Variants in RYR2 observed in about 807,000 individuals in gnomAD.
RYR2 encodes ryanodine receptor 2.
RYR2 carries 227 observed loss-of-function variants against 601.1 expected under a neutral mutation model. The ratio of observed to expected loss-of-function variants is 0.38; its 90% confidence interval spans 0.34 to 0.42. RYR2 has a LOEUF of 0.42. Ranked by LOEUF, RYR2 falls within the 10% of genes least tolerant of loss-of-function variation. The pLI is 1.00. For missense variants in RYR2, 4,646 were observed against 6,156.5 expected, an observed-to-expected ratio of 0.75 and a Z score of 8.21; for synonymous variants, 2,223 against 2,175.1, an observed-to-expected ratio of 1.02 and a Z score of -0.61.
rs970376898 is a variant in RYR2 at position 237,436,905 on chromosome 1, T to C, written c.1006-4414T>C. 2.6e-5 allele frequency among the ~76,000 whole-genome samples: 4 copies of C among 151,116 alleles called. No individual in the cohort carries two copies. In the Admixed American group the frequency reaches 2.6e-4, roughly 10 times the overall value. On this transcript the variant is annotated intron_variant, in intron 12 of 104. Transcript: ENST00000366574. ...ATGTATATATCACTTAGTATATCTA[T>C]GTGTATAAGGCCACAGTTCTTCAGA... is the stretch of plus-strand genomic sequence containing the variant.
chr1:237,192,175 G>GA (rs568939770), intron 1 of RYR2, among the ~76,000 whole-genome samples: 3,255 of 122,244 alleles, frequency 0.027, 44 homozygotes, highest in African/African-American at 0.063. Flanking sequence ...GCTTTCTCCA[G>GA]AAAAAAAAAA....
chr1:237,158,255 A>T (rs2490366), intron 1 of RYR2, among the ~76,000 whole-genome samples: 96,265 of 151,922 alleles, frequency 0.63, 30,647 homozygotes, highest in Non-Finnish European at 0.66. Context: ...TAGAGTGAGA[A>T]GACTTTCAGC....
chr1:237,669,548 C>G (rs1254164777), intron 58 of RYR2, among the ~76,000 whole-genome samples: 1 of 150,990 alleles, frequency 6.6e-6, no homozygotes, highest in Non-Finnish European at 1.5e-5. Flanking sequence ...GGCTGCCGGG[C>G]GGAGGGGCTC....
chr1:237,478,288 C>T (rs552633549), intron 17 of RYR2, among the ~76,000 whole-genome samples: 2 of 152,136 alleles, frequency 1.3e-5, no homozygotes, highest in South Asian at 2.1e-4. Context: ...CCAGCTCCAC[C>T]GTTTATATAA....
At chr1:237,179,828 G>T (rs1572113537) in intron 1 of RYR2, among the ~76,000 whole-genome samples, 2 of 152,208 alleles carry the variant, frequency 1.3e-5, no homozygotes, top group African/African-American at 2.4e-5. Context: ...AATCTGCCGG[G>T]CTGAGTCTGA....
rs574841390 is a variant in RYR2, at chr1:237,281,004, C to T, written c.168+10388C>T. Among the ~76,000 whole-genome samples the T allele has an allele frequency of 9.1e-4, 139 of 152,162 alleles. 1 individual carries two copies. Among genetic ancestry groups the T allele is most frequent in the African/African-American group, 3.3e-3 (135 of 41,516 alleles). The stretch of plus-strand genomic sequence containing the variant: ...TTCACCATGTTGGCCAAGCTGGTCT[C>T]GAACTCCTGACCTTAGGTGATCCGC... On this transcript the variant is annotated intron_variant, in intron 2 of 104. Coordinates refer to ENST00000366574, the MANE Select transcript of RYR2 (RefSeq NM_001035.3).
At chr1:237,191,624 A>G (rs1679977896) in intron 1 of RYR2, among the ~76,000 whole-genome samples, 1 of 152,148 alleles carries the variant, frequency 6.6e-6, no homozygotes, top group Non-Finnish European at 1.5e-5. Context: ...GGATAAAAGA[A>G]CGGCACAATC....
At chr1:237,362,023 C>A (rs981089850) in intron 4 of RYR2, among the ~76,000 whole-genome samples, 3 of 152,148 alleles carry the variant, frequency 2.0e-5, no homozygotes, top group Non-Finnish European at 4.4e-5. Flanking sequence ...ACACCCAGGG[C>A]CGTCTATGTG....
chr1:237,409,198 G>T (rs1003092684), intron 10 of RYR2, among the ~76,000 whole-genome samples: 67 of 152,064 alleles, frequency 4.4e-4, no homozygotes, highest in Admixed American at 8.5e-4. Context: ...TTCTGTTACA[G>T]TCTTGAGTAG....
chr1:237,639,286 G>A (rs1047994116), intron 46 of RYR2, 85 bp downstream of exon 46: 1 of 1,246,358 alleles, frequency 8.0e-7, no homozygotes, highest in South Asian at 1.8e-5. Flanking sequence ...CCTATGAATT[G>A]TAATATAACT....
chr1:237,551,592 G>A (rs1670410814), intron 27 of RYR2, among the ~76,000 whole-genome samples: 1 of 150,400 alleles, frequency 6.6e-6, no homozygotes. Flanking sequence ...CGTTGCTCCT[G>A]CAGTCTGAGT....
chr1:237,766,081 C>G, intron 84 of RYR2, among the ~76,000 whole-genome samples: 1 of 152,102 alleles, frequency 6.6e-6, no homozygotes. Context: ...GTTCAAGGTA[C>G]CAAACACGGC....
intron 1 of RYR2, among the ~76,000 whole-genome samples, chr1:237,082,309 C>G (rs536358617): frequency 1.6e-3 from 244 of 151,950 alleles, no homozygotes; most frequent in Non-Finnish European, 2.9e-3. Context: ...AAGCATGACT[C>G]TATTCTGCTA....
chr1:237,644,046 TG>T (rs1681864657), intron 48 of RYR2, among the ~76,000 whole-genome samples: 1 of 152,236 alleles, frequency 6.6e-6, no homozygotes, highest in East Asian at 1.9e-4. Context: ...CATTGTCTTA[TG>T]TCCTGCCTTG....
chr1:237,111,534 G>A (rs1180873098), intron 1 of RYR2, among the ~76,000 whole-genome samples: 1 of 149,386 alleles, frequency 6.7e-6, no homozygotes, highest in African/African-American at 2.5e-5. Flanking sequence ...GTTGCAGTGA[G>A]CTGAGGTCGT....
chr1:237,532,711 A>C (rs910739188), intron 25 of RYR2, among the ~76,000 whole-genome samples: 9 of 152,172 alleles, frequency 5.9e-5, no homozygotes, highest in African/African-American at 1.7e-4. Flanking sequence ...TAATACATTT[A>C]ATCAATTGTA....
At chr1:237,697,851 C>G (rs548948061) in intron 63 of RYR2, among the ~76,000 whole-genome samples, 26 of 152,178 alleles carry the variant, frequency 1.7e-4, no homozygotes, top group African/African-American at 6.3e-4. Flanking sequence ...ACCAGGAATT[C>G]TGAGACTTGA....
chr1:237,590,252 G>C (rs182640786), intron 30 of RYR2, among the ~76,000 whole-genome samples: 37 of 151,204 alleles, frequency 2.4e-4, no homozygotes, highest in Middle Eastern at 6.8e-3. Flanking sequence ...CTATAGCTCA[G>C]ACTATGTCTG....
At position 237,731,938 on chromosome 1, in the gene RYR2, G is replaced by A. The variant is rs139571485; in HGVS notation, c.10936-108G>A. On this transcript the variant is annotated intron_variant, in intron 77 of 104. Transcript: ENST00000366574. ...CACACACCCCACAACAGGGAAGGAGGAACGTTCGCATTCCTTTTATTCTTC... is the reference window on the plus strand; with the variant it reads ...CACACACCCCACAACAGGGAAGGAGAAACGTTCGCATTCCTTTTATTCTTC... The A allele has an allele frequency of 0.011, 6,200 of 579,512 alleles. 164 individuals are homozygous for A. Among genetic ancestry groups the A allele is most frequent in the South Asian group, 0.07 (3,321 of 47,130 alleles). The allele number at this position is 579,512 out of a possible 1,614,324, so 35.9% of individuals were successfully genotyped here. A position where few individuals can be genotyped will look rare whatever the true frequency, so the allele number is the denominator to read the frequency against.
Sources: gnomAD v4.1 joint callset for allele counts (sites outside exome capture counted in the v4.1 genomes callset) on GRCh38, gnomAD v4.1.1 for gene constraint, MANE v1.5 for transcripts, NCBI Gene and HGNC (gene_info 2026-07-23, HGNC 2026-07-21) for gene names.